BDNF: variants seen among roughly 807,000 people sequenced by gnomAD.
BDNF encodes brain derived neurotrophic factor, also known as neurotrophic factor BDNF precursor form.
BDNF carries 1 observed loss-of-function variant against 19.5 expected under a neutral mutation model. The observed-to-expected ratio is 0.05, with a 90% CI of 0.02 to 0.24. The LOEUF (loss-of-function observed/expected upper bound fraction) is 0.24. Ranked by LOEUF, BDNF falls within the 10% of genes least tolerant of loss-of-function variation. The probability of loss-of-function intolerance (pLI) is 1.00; values close to 1 mark genes in which losing one functional copy is unlikely to be tolerated. For missense variants in BDNF, 195 were observed against 317.6 expected (o/e 0.61, Z 2.93); for synonymous variants, 100 against 121.6 (o/e 0.82, Z 1.17).
At chr11:27,696,072 A>G (rs1253332843) in intron 1 of BDNF, among the ~76,000 whole-genome samples, 1 of 152,170 alleles carries the variant, frequency 6.6e-6, no homozygotes, top group African/African-American at 2.4e-5. Context: ...TGCATCTGCC[A>G]TCAATAATGA....
chr11:27,712,931 T>C (rs962368), intron 1 of BDNF, among the ~76,000 whole-genome samples: 52,528 of 106,590 alleles, frequency 0.49, 11,583 homozygotes, highest in Middle Eastern at 0.55. Context: ...TTCTTTCTTT[T>C]TTTTTTTTTT....
chr11:27,700,305 G>GC lies in BDNF; in HGVS notation c.-164dup, dbSNP rs1240472250. 1.1e-5 allele frequency: 11 copies of GC among 985,134 alleles called. No individual in the cohort carries two copies. The East Asian group carries it at 1.0e-3, about 92-fold the overall frequency. 61.0% of individuals were successfully genotyped at this position (985,134 alleles called of 1,614,324 possible). On this transcript the variant is annotated 5_prime_UTR_variant, in exon 1 of 2. Transcript: ENST00000356660. ...CAGCAGCGGTGGGTGTCTCATTAAA[G>GC]CCCCCCGAGCAGGAGGTGGAGGGGC...
chr11:27,700,395 A>T lies in BDNF; in HGVS notation c.-253T>A. ...GCGCTACGGGGTGCGCGGGACAGCG[A>T]GCGGGCGGGTGCGCCCGGGCGCGGC... On this transcript the variant is annotated 5_prime_UTR_variant, in exon 1 of 2. Transcript: ENST00000356660. 2 of 985,834 alleles carry T rather than the reference A, an allele frequency of 2.0e-6. No homozygotes were observed. Among genetic ancestry groups the T allele is most frequent in the Non-Finnish European group, 2.4e-6 (2 of 830,296 alleles). 61.1% of individuals were successfully genotyped at this position (985,834 alleles called of 1,614,324 possible).
At position 27,721,547 on chromosome 11, in the gene BDNF, G is replaced by T. The variant is rs975615810; in HGVS notation, c.-133C>A. On this transcript the variant is annotated 5_prime_UTR_variant, in exon 1 of 2. Transcript: ENST00000314915. ...TTGCTCAGTGGATCGCCCACCACTT[G>T]GTGTGACTTATGAATCTAATAACCC... The T allele has an allele frequency of 7.5e-6, 7 of 932,584 alleles. No homozygotes were observed. The Admixed American group carries it at 1.0e-4, about 14-fold the overall frequency. The allele number at this position is 932,584 out of a possible 1,614,324, so 57.8% of individuals were successfully genotyped here. A position where few individuals can be genotyped will look rare whatever the true frequency, so the allele number is the denominator to read the frequency against.
chr11:27,704,716 T>G (rs1434227678), upstream of BDNF, among the ~76,000 whole-genome samples: 2 of 152,234 alleles, frequency 1.3e-5, no homozygotes, highest in South Asian at 4.1e-4. Context: ...AAAGGCCTGG[T>G]CCAATGTTAA....
intron 1 of BDNF, among the ~76,000 whole-genome samples, chr11:27,718,650 G>A (rs1229861953): frequency 4.0e-5 from 6 of 148,454 alleles, no homozygotes; most frequent in Non-Finnish European, 5.9e-5. Context: ...CCCATTCGCT[G>A]CAGGCTTGCT....
rs529283797 is a variant in BDNF at position 27,691,460 on chromosome 11, TCTTA to T, written c.-22+8700_-22+8703del. ...AAGAACCATTTGCTACATATAACATTCTTACTTTAAGAAAAAAGAATTTGAAACA... is the reference window on the plus strand; with the variant it reads ...AAGAACCATTTGCTACATATAACATTCTTTAAGAAAAAAGAATTTGAAACA... On this transcript the variant is annotated intron_variant, in intron 1 of 1. Coordinates refer to ENST00000356660, the MANE Select transcript of BDNF (RefSeq NM_001709.5). 1.9e-4 allele frequency among the ~76,000 whole-genome samples: 29 copies of T among 152,326 alleles called. 1 individual carries two copies. The East Asian group carries it at 4.4e-3, about 23-fold the overall frequency.
At chr11:27,721,581 AT>A in exon 1 of BDNF, 2 of 748,418 alleles carry the variant, frequency 2.7e-6, no homozygotes, top group Middle Eastern at 4.6e-4. Context: ...CCTTTGCAAT[AT>A]CCGCAAGCTT....
At chr11:27,691,839 A>C (rs1190383775) in intron 1 of BDNF, among the ~76,000 whole-genome samples, 1 of 152,110 alleles carries the variant, frequency 6.6e-6, no homozygotes, top group African/African-American at 2.4e-5. Context: ...AAAAAGAGAA[A>C]CTCTTTGGAA....
intron 1 of BDNF, among the ~76,000 whole-genome samples, chr11:27,712,832 T>A (rs1860387555): frequency 6.6e-6 from 1 of 151,502 alleles, no homozygotes; most frequent in African/African-American, 2.4e-5. Flanking sequence ...GACATTTTTA[T>A]GAGAAGGGTT....
intron 1 of BDNF, chr11:27,674,078 AG>A: frequency 6.2e-7 from 1 of 1,607,846 alleles, no homozygotes; most frequent in East Asian, 2.2e-5. Flanking sequence ...AACCATTTTC[AG>A]GGATCAGTTT....
At chr11:27,718,107 G>A (rs550797120) in intron 1 of BDNF, among the ~76,000 whole-genome samples, 2 of 152,282 alleles carry the variant, frequency 1.3e-5, no homozygotes, top group East Asian at 3.9e-4. Context: ...GCAGCAGCGA[G>A]TATTCGCTAG....
Position 27,699,556 on chromosome 11 carries a change from C to A in BDNF, c.-22+608G>T. 4 of 1,560,628 alleles carry A rather than the reference C, an allele frequency of 2.6e-6. No individual in the cohort carries two copies. In the South Asian group the frequency reaches 3.5e-5, roughly 14 times the overall value. On this transcript the variant is annotated intron_variant, in intron 1 of 1. Coordinates refer to ENST00000356660, the MANE Select transcript of BDNF (RefSeq NM_001709.5). ...TCGGCCTGCCCGAGAGTGTCGCAGA[C>A]CCTTTCAGTTCCCAGCGGTAGGAAT...
At chr11:27,710,209 G>A (rs1860270250) in intron 1 of BDNF, among the ~76,000 whole-genome samples, 1 of 152,188 alleles carries the variant, frequency 6.6e-6, no homozygotes, top group African/African-American at 2.4e-5. Context: ...CCGCATCTTT[G>A]ATTACTTATA....
chr11:27,676,432 G>A (rs1488641865), intron 1 of BDNF, among the ~76,000 whole-genome samples: 1 of 151,126 alleles, frequency 6.6e-6, no homozygotes, highest in East Asian at 1.9e-4. Context: ...TTTTTTTGCT[G>A]TCCTCAGAGA....
At chr11:27,708,594 C>CT (rs11375149) in intron 1 of BDNF, among the ~76,000 whole-genome samples, 151,667 of 152,120 alleles carry the variant, frequency 1, 75,609 homozygotes, top group Middle Eastern at 1. Flanking sequence ...CAGATTTACT[C>CT]TTAATTAACT....
At chr11:27,698,253 A>AAAAAAAAAAAAAAAT (rs1859399484) in intron 1 of BDNF, 1 of 138,146 alleles carries the variant, frequency 7.2e-6, no homozygotes, top group Non-Finnish European at 1.6e-5. Flanking sequence ...AAAAAAAAAA[A>AAAAAAAAAAAAAAAT]AAAGTCTTAA....
At chr11:27,718,165 T>C (rs1860588374) in intron 1 of BDNF, among the ~76,000 whole-genome samples, 1 of 152,288 alleles carries the variant, frequency 6.6e-6, no homozygotes, top group Admixed American at 6.5e-5. Flanking sequence ...GAGTGACAGA[T>C]GATTTCTTTC....
At chr11:27,676,538 T>C (rs1856137723) in intron 1 of BDNF, among the ~76,000 whole-genome samples, 1 of 152,174 alleles carries the variant, frequency 6.6e-6, no homozygotes, top group Admixed American at 6.5e-5. Flanking sequence ...GGAGATGTTA[T>C]CTAGGCCGTA....
Sources: allele counts gnomAD v4.1 joint callset (sites outside exome capture counted in the v4.1 genomes callset), GRCh38; gene constraint gnomAD v4.1.1; transcripts MANE v1.5; gene names NCBI Gene and HGNC (gene_info 2026-07-23, HGNC 2026-07-21).